Variants in RABGAP1L observed in about 807,000 individuals in gnomAD.
RABGAP1L encodes the protein rab GTPase-activating protein 1-like.
Under a neutral mutation model 137.7 loss-of-function variants are expected in RABGAP1L, and 63 were observed. The observed-to-expected ratio is 0.46, with a 90% CI of 0.37 to 0.56. The LOEUF (loss-of-function observed/expected upper bound fraction) is 0.56. Among genes scored for constraint, RABGAP1L ranks in the 20% least tolerant of loss-of-function variants. The probability of loss-of-function intolerance (pLI) is 0.00; values close to 1 mark genes in which losing one functional copy is unlikely to be tolerated. For missense variants in RABGAP1L, 1,095 were observed against 1,244.0 expected (o/e 0.88, Z 1.80); for synonymous variants, 431 against 433.7 (o/e 0.99, Z 0.08).
At chr1:174,527,534 A>C (rs2147872023) in intron 13 of RABGAP1L, among the ~76,000 whole-genome samples, 1 of 152,226 alleles carries the variant, frequency 6.6e-6, no homozygotes, top group Admixed American at 6.5e-5. Context: ...AAATTTATTG[A>C]GACTTGTTTT....
At chr1:174,179,031 A>T (rs1003916666) in intron 1 of RABGAP1L, among the ~76,000 whole-genome samples, 1 of 152,180 alleles carries the variant, frequency 6.6e-6, no homozygotes, top group Non-Finnish European at 1.5e-5. Flanking sequence ...AAACAATCCC[A>T]GAAAAGTCTT....
chr1:174,637,454 G>GAGAT lies in RABGAP1L; in HGVS notation c.1791_1794dup (p.Gly599ArgfsTer8). 11 of 1,611,518 alleles carry GAGAT rather than the reference G, an allele frequency of 6.8e-6. No homozygotes were observed. The highest frequency in any genetic ancestry group is 9.3e-6 in the Non-Finnish European group (11 of 1,177,692). On this transcript the variant is annotated frameshift_variant, in exon 14 of 26. Coordinates refer to ENST00000681986, the MANE Select transcript of RABGAP1L (RefSeq NM_001366446.1). LOFTEE classifies it high-confidence loss of function. ...CATGATTACTTTAAAGATACTGGAG[G>GAGAT]AGATGGTCAAGAATCGCTCTATAAG...
At chr1:174,957,711 C>T in intron 20 of RABGAP1L, 162 bp downstream of exon 20, 1 of 940,172 alleles carries the variant, frequency 1.1e-6, no homozygotes, top group Non-Finnish European at 1.7e-6. Flanking sequence ...GCCACCATTC[C>T]CAGCAAAGTA....
intron 18 of RABGAP1L, among the ~76,000 whole-genome samples, chr1:174,756,229 A>G (rs1573045271): frequency 6.6e-6 from 1 of 151,990 alleles, no homozygotes; most frequent in African/African-American, 2.4e-5. Context: ...GCTCACTGCA[A>G]CCTCCGCCTC....
In RABGAP1L at chr1:174,385,752, G is replaced by T. The variant is rs563770075; in HGVS notation, c.1560-8243G>T. Among the ~76,000 whole-genome samples, 9 of 152,288 alleles carry T rather than the reference G, an allele frequency of 5.9e-5. No homozygotes were observed. The South Asian group carries it at 1.9e-3, about 32-fold the overall frequency. On this transcript the variant is annotated intron_variant, in intron 12 of 25. Coordinates refer to ENST00000681986, the MANE Select transcript of RABGAP1L (RefSeq NM_001366446.1). ...TGACACAGTAGTCAAGTGCTGATAG[G>T]TGAAGTCTGATGAAGCCTAGAATTC...
intron 1 of RABGAP1L, among the ~76,000 whole-genome samples, chr1:174,183,090 C>T (rs1666507552): frequency 6.6e-6 from 1 of 152,100 alleles, no homozygotes; most frequent in Non-Finnish European, 1.5e-5. Context: ...AGACTGTGAG[C>T]CCCTTTAAGG....
intron 25 of RABGAP1L, among the ~76,000 whole-genome samples, chr1:174,989,051 AATT>A (rs1293149532): frequency 2.0e-5 from 3 of 152,306 alleles, no homozygotes; most frequent in African/African-American, 7.2e-5. Context: ...TAATAATTAA[AATT>A]ATATCTTATG....
intron 13 of RABGAP1L, among the ~76,000 whole-genome samples, chr1:174,484,477 C>G (rs1385389003): frequency 6.6e-6 from 1 of 152,016 alleles, no homozygotes; most frequent in Non-Finnish European, 1.5e-5. Flanking sequence ...AAATTTTTGC[C>G]CAGGCTAATG....
intron 19 of RABGAP1L, among the ~76,000 whole-genome samples, chr1:174,943,022 G>C (rs1171290779): frequency 6.6e-6 from 1 of 152,102 alleles, no homozygotes; most frequent in Non-Finnish European, 1.5e-5. Flanking sequence ...TAACTATTTG[G>C]GGAAACTATG....
intron 1 of RABGAP1L, among the ~76,000 whole-genome samples, chr1:174,212,746 C>G (rs1047647917): frequency 1.3e-5 from 2 of 151,816 alleles, no homozygotes. Flanking sequence ...ATCAACAAAA[C>G]CAAAAGCTGG....
chr1:174,810,323 C>T (rs1046679658), intron 18 of RABGAP1L, among the ~76,000 whole-genome samples: 1 of 152,074 alleles, frequency 6.6e-6, no homozygotes, highest in African/African-American at 2.4e-5. Flanking sequence ...GGGGAATGGG[C>T]TAGGAGGAAG....
intron 13 of RABGAP1L, among the ~76,000 whole-genome samples, chr1:174,495,784 C>T (rs1660679403): frequency 6.6e-6 from 1 of 152,166 alleles, no homozygotes; most frequent in Non-Finnish European, 1.5e-5. Context: ...CTTATGCTTT[C>T]ACAAATGATG....
intron 17 of RABGAP1L, among the ~76,000 whole-genome samples, chr1:174,743,660 A>G (rs887396542): frequency 6.6e-6 from 1 of 152,116 alleles, no homozygotes; most frequent in Non-Finnish European, 1.5e-5. Flanking sequence ...AAATGAATAA[A>G]TAAATAAATA....
intron 14 of RABGAP1L, among the ~76,000 whole-genome samples, chr1:174,649,757 G>C (rs1011274734): frequency 6.6e-6 from 1 of 152,110 alleles, no homozygotes; most frequent in African/African-American, 2.4e-5. Flanking sequence ...GGTTTTTCTA[G>C]ATATGCAATG....
intron 13 of RABGAP1L, among the ~76,000 whole-genome samples, chr1:174,608,185 C>T (rs1464597891): frequency 6.6e-6 from 1 of 152,136 alleles, no homozygotes. Flanking sequence ...ACTCACCTTC[C>T]ACTTAAGCAG....
intron 13 of RABGAP1L, among the ~76,000 whole-genome samples, chr1:174,476,060 GAGTGACCTTGGAA>G (rs1490930973): frequency 2.6e-5 from 4 of 152,190 alleles, no homozygotes; most frequent in Admixed American, 2.6e-4. Flanking sequence ...AAGGTTAGCG[GAGTGACCTTGGAA>G]AGGTGAGAGT....
chr1:174,573,144 G>T (rs1055080198), intron 13 of RABGAP1L, among the ~76,000 whole-genome samples: 2 of 151,856 alleles, frequency 1.3e-5, no homozygotes, highest in Non-Finnish European at 2.9e-5. Flanking sequence ...CTATTTATGT[G>T]TGTATATTTT....
chr1:174,721,988 A>G (rs1280891685), intron 17 of RABGAP1L, among the ~76,000 whole-genome samples: 5 of 151,556 alleles, frequency 3.3e-5, no homozygotes, highest in Non-Finnish European at 7.4e-5. Flanking sequence ...CTGGAGTGCA[A>G]TGGCGCCATC....
intron 20 of RABGAP1L, among the ~76,000 whole-genome samples, chr1:174,961,017 G>A (rs1669041633): frequency 6.6e-6 from 1 of 152,120 alleles, no homozygotes; most frequent in Admixed American, 6.5e-5. Flanking sequence ...CTGCTTTATA[G>A]CCTTTACTCT....
Sources: gnomAD v4.1 joint callset for allele counts (sites outside exome capture counted in the v4.1 genomes callset) on GRCh38, gnomAD v4.1.1 for gene constraint, MANE v1.5 for transcripts, NCBI Gene and HGNC (gene_info 2026-07-23, HGNC 2026-07-21) for gene names.